TTC32: variants seen among roughly 807,000 people sequenced by gnomAD.
TTC32 encodes the protein tetratricopeptide repeat domain 32.
A neutral mutation model predicts 15.3 loss-of-function variants in TTC32; 16 were observed. That is an observed-to-expected ratio of 1.05 (90% CI 0.71 to 1.59). The LOEUF (loss-of-function observed/expected upper bound fraction) is 1.59, where lower values mean the gene tolerates loss of function less well. TTC32 is among the 40% of genes most tolerant of loss of function. The pLI, the probability that TTC32 is intolerant of heterozygous loss-of-function variation, is 0.00. For synonymous variants in TTC32, 89 were observed against 67.8 expected, an observed-to-expected ratio of 1.31 and a Z score of -1.53; for missense variants, 188 against 181.9, an observed-to-expected ratio of 1.03 and a Z score of -0.19.
In TTC32 at chr2:19,901,780, C is replaced by A. The variant is rs765629840; in HGVS notation, c.75G>T (p.Ala25=). 1 of 1,614,196 alleles carries A rather than the reference C, an allele frequency of 6.2e-7. No homozygotes were observed. The highest frequency in any genetic ancestry group is 1.3e-5 in the African/African-American group (1 of 75,070). The change falls in exon 1 of 3, where the codon GCG becomes GCT. Residue 25 remains alanine, a synonymous_variant. Transcript: ENST00000333610. ...AQAHFNNGEY[A]EAEALYSAYI... is the part of the protein sequence containing the mutation. The stretch of plus-strand genomic sequence containing the variant: ...AAGCGGAGTACAGTGCCTCGGCCTC[C>A]GCGTACTCTCCATTGTTGAAATGAG...
intron 1 of TTC32, 181 bp downstream of exon 1, chr2:19,901,525 C>CT: frequency 1.3e-6 from 1 of 763,302 alleles, no homozygotes; most frequent in East Asian, 3.1e-5. Flanking sequence ...GCGTTCTCCG[C>CT]CGCCCTCGTC....
rs1669521813 is a variant in TTC32, at chr2:19,897,065, T to C, written c.378A>G (p.Gln126=). The change falls in exon 3 of 3, where the codon CAA becomes CAG. Residue 126 remains glutamine (Q), a synonymous_variant. Coordinates refer to ENST00000333610, the MANE Select transcript of TTC32 (RefSeq NM_001008237.3). Reference sequence around the variant, plus strand: ...TCTGTTTTAAGCTCAAAGTAGCATCTTGAAATCCAGGATTTAAGTCTAAGA... The same window carrying C: ...TCTGTTTTAAGCTCAAAGTAGCATCCTGAAATCCAGGATTTAAGTCTAAGA... ...KKVLDLNPGF[Q]DATLSLKQTI... is the part of the protein sequence containing the mutation. 3 of 1,609,824 alleles carry C rather than the reference T, an allele frequency of 1.9e-6. No homozygotes were observed. The highest frequency in any genetic ancestry group is 2.5e-6 in the Non-Finnish European group (3 of 1,178,314).
intron 1 of TTC32, chr2:19,901,217 CA>C (rs1669597423): frequency 3.1e-6 from 1 of 320,458 alleles, no homozygotes; most frequent in African/African-American, 2.3e-5. Context: ...ACGTTTTTCA[CA>C]AGTGAAAAAC....
At chr2:19,899,357 G>A (rs1457361180) in intron 1 of TTC32, among the ~76,000 whole-genome samples, 1 of 152,126 alleles carries the variant, frequency 6.6e-6, no homozygotes, top group Non-Finnish European at 1.5e-5. Flanking sequence ...AGCAATCTCA[G>A]GATGCCAGTA....
intron 1 of TTC32, chr2:19,901,150 G>A (rs749802675): frequency 2.2e-6 from 1 of 460,206 alleles, no homozygotes; most frequent in South Asian, 1.6e-5. Flanking sequence ...AACTGATAAT[G>A]CTTAAGCCAA....
intron 1 of TTC32, chr2:19,900,888 G>A: frequency 3.1e-6 from 1 of 325,258 alleles, no homozygotes; most frequent in Non-Finnish European, 6.3e-6. Context: ...CAGTCAGCAA[G>A]TCCAAAACAC....
intron 1 of TTC32, among the ~76,000 whole-genome samples, chr2:19,898,997 T>A (rs1315754895): frequency 2.0e-5 from 3 of 152,212 alleles, no homozygotes; most frequent in Non-Finnish European, 4.4e-5. Flanking sequence ...TAGTAAAAAG[T>A]ATAGTCCTCC....
Position 19,901,708 on chromosome 2 carries a change from C to A in TTC32, c.147G>T (p.Gly49=). 1 of 1,611,706 alleles carries A rather than the reference C, an allele frequency of 6.2e-7. No homozygotes were observed. Among genetic ancestry groups the A allele is most frequent in the Non-Finnish European group, 8.5e-7 (1 of 1,178,226 alleles). The stretch of plus-strand genomic sequence containing the variant: ...GCCCCAGGTCTCGCGATAGTTACCT[C>A]CCGGGACTCTCGTCGCTGGAGGCCG... ...ACAASSDESP[G]SKCSPEDLAT... Residue 49 remains glycine (G), a splice_region_variant and synonymous_variant, in exon 1 of 3, where the codon GGG becomes GGT. Transcript: ENST00000333610.
Position 19,897,148 on chromosome 2 carries a change from G to A in TTC32, c.317-22C>T, listed in dbSNP as rs181410257. 702 of 1,571,130 alleles carry A rather than the reference G, an allele frequency of 4.5e-4. 2 individuals carry two copies. Among genetic ancestry groups the A allele is most frequent in the Admixed American group, 1.8e-3 (83 of 47,222 alleles). On this transcript the variant is annotated intron_variant, in intron 2 of 2. Transcript: ENST00000333610. ...TATCCTGTACCAGAACCCAAAAAAT[G>A]GAAAAGAGAAAAGAAACCGAGTATT...
chr2:19,898,661 C>T (rs757025668), intron 1 of TTC32, among the ~76,000 whole-genome samples: 1 of 152,148 alleles, frequency 6.6e-6, no homozygotes, highest in East Asian at 1.9e-4. Context: ...TCCTTTAGAC[C>T]CCCTCAGGGC....
chr2:19,900,339 G>C lies in TTC32; in HGVS notation c.149+1367C>G, dbSNP rs1669581055. The stretch of plus-strand genomic sequence containing the variant: ...AGTAGATGGTATCATCTTATTGCCT[G>C]TTCAGAAACTTCTATTATTATTCTT... On this transcript the variant is annotated intron_variant, in intron 1 of 2. Transcript: ENST00000333610. Among the ~76,000 whole-genome samples the C allele has an allele frequency of 2.6e-5, 4 of 152,140 alleles. No individual in the cohort carries two copies. The South Asian group carries it at 8.3e-4, about 32-fold the overall frequency.
At chr2:19,899,349 C>T (rs1410253824) in intron 1 of TTC32, among the ~76,000 whole-genome samples, 1 of 152,152 alleles carries the variant, frequency 6.6e-6, no homozygotes, top group Non-Finnish European at 1.5e-5. Context: ...AAGAAAAAAG[C>T]AATCTCAGGA....
intron 1 of TTC32, chr2:19,901,441 C>T (rs1669601188): frequency 5.2e-6 from 2 of 387,142 alleles, no homozygotes; most frequent in Non-Finnish European, 8.7e-6. Flanking sequence ...CCGAGGATCG[C>T]GCAGAGGGCT....
At position 19,901,789 on chromosome 2, in the gene TTC32, T is replaced by G. The variant is rs754449719; in HGVS notation, c.66A>C (p.Gly22=). ...ACAGTGCCTCGGCCTCCGCGTACTC[T>G]CCATTGTTGAAATGAGCCTGGGCGA... ...LTLAQAHFNN[G]EYAEAEALYS... Residue 22 remains glycine (G), a synonymous_variant, in exon 1 of 3, where the codon GGA becomes GGC. Transcript: ENST00000333610. 6 of 1,614,204 alleles carry G rather than the reference T, an allele frequency of 3.7e-6. No homozygotes were observed. Among genetic ancestry groups the G allele is most frequent in the Admixed American group, 1.7e-5 (1 of 60,026 alleles).
chr2:19,901,059 C>CT (rs774768914), intron 1 of TTC32: 8 of 471,128 alleles, frequency 1.7e-5, no homozygotes, highest in Non-Finnish European at 3.5e-5. Flanking sequence ...GGTTCCAACA[C>CT]TGACGACTTG....
Position 19,898,018 on chromosome 2 carries a change from T to C in TTC32, c.167A>G (p.Asp56Gly), listed in dbSNP as rs747183697. ...ESPGSKCSPE[D>G]LATAYNNRGQ... is the part of the protein sequence containing the mutation. ...CCTGTTGTTATATGCAGTAGCCAAA[T>C]CCTCAGGGCTGCATTTGCTTTAAAC... Residue 56 changes from aspartate to glycine, a missense_variant, in exon 2 of 3, where the codon GAT becomes GGT. By Grantham distance (94) the Asp-to-Gly change is moderately conservative. Transcript: ENST00000333610. The C allele has an allele frequency of 6.4e-7, 1 of 1,568,830 alleles. No homozygotes were observed. The highest frequency in any genetic ancestry group is 8.7e-7 in the Non-Finnish European group (1 of 1,151,694).
chr2:19,898,216 G>C (rs1669543216), intron 1 of TTC32, 181 bp from the exon 2 acceptor site: 1 of 527,016 alleles, frequency 1.9e-6, no homozygotes, highest in African/African-American at 1.9e-5. Flanking sequence ...GTTTAACCCT[G>C]TTATCTACTT....
chr2:19,901,408 G>C lies in TTC32; in HGVS notation c.149+298C>G, dbSNP rs1669600523. On this transcript the variant is annotated intron_variant, in intron 1 of 2. Transcript: ENST00000333610. ...GAGGAACGTGGAAGGAGAGACGGCGGGGTGAGAGGCGGCGGCCCGCGCCCG... is the reference window on the plus strand; with the variant it reads ...GAGGAACGTGGAAGGAGAGACGGCGCGGTGAGAGGCGGCGGCCCGCGCCCG... 3 of 386,124 alleles carry C rather than the reference G, an allele frequency of 7.8e-6. No homozygotes were observed. In the East Asian group the frequency reaches 1.7e-4, roughly 22 times the overall value. The allele number at this position is 386,124 out of a possible 1,614,324, so 23.9% of individuals were successfully genotyped here.
intron 1 of TTC32, 99 bp from the exon 2 acceptor site, chr2:19,898,134 A>G: frequency 1.8e-6 from 2 of 1,084,944 alleles, no homozygotes; most frequent in Non-Finnish European, 2.6e-6. Flanking sequence ...CACAGCCTAT[A>G]ACATGCAGCA....
Sources: allele counts gnomAD v4.1 joint callset (sites outside exome capture counted in the v4.1 genomes callset), GRCh38; gene constraint gnomAD v4.1.1; transcripts MANE v1.5; gene names NCBI Gene and HGNC (gene_info 2026-07-23, HGNC 2026-07-21).